Variants in RASGEF1A observed in about 807,000 individuals in gnomAD.
RASGEF1A encodes the protein ras-GEF domain-containing family member 1A.
RASGEF1A carries 18 observed loss-of-function variants against 56.4 expected under a neutral mutation model. The observed-to-expected ratio is 0.32, with a 90% CI of 0.22 to 0.47. RASGEF1A has a LOEUF of 0.47. Ranked by LOEUF, RASGEF1A falls within the 20% of genes least tolerant of loss-of-function variation. The probability of loss-of-function intolerance (pLI) is 1.00; values close to 1 mark genes in which losing one functional copy is unlikely to be tolerated. For missense variants in RASGEF1A, 422 were observed against 627.1 expected, an observed-to-expected ratio of 0.67 and a Z score of 3.49; for synonymous variants, 245 against 242.6, an observed-to-expected ratio of 1.01 and a Z score of -0.09.
rs1393516630 is a variant in RASGEF1A, at chr10:43,219,108, C to T, written c.-6-12986G>A. ...TGCAGCAGGTGGGACTTCAGAGAAT[C>T]CCTGCCCTTTCCCGGCAGGCGCTGG... On this transcript the variant is annotated intron_variant, in intron 1 of 12. Coordinates refer to ENST00000395810, the MANE Select transcript of RASGEF1A (RefSeq NM_145313.4). Among the ~76,000 whole-genome samples, 5 of 152,342 alleles carry T rather than the reference C, an allele frequency of 3.3e-5. No homozygotes were observed. The South Asian group carries it at 6.2e-4, about 19-fold the overall frequency.
intron 1 of RASGEF1A, among the ~76,000 whole-genome samples, chr10:43,249,428 G>C (rs1438033487): frequency 6.6e-6 from 1 of 152,234 alleles, no homozygotes; most frequent in Non-Finnish European, 1.5e-5. Context: ...TGGGGGAAGG[G>C]GGTTCTGTTG....
chr10:43,221,701 C>A (rs1205335403), intron 1 of RASGEF1A, among the ~76,000 whole-genome samples: 1 of 152,250 alleles, frequency 6.6e-6, no homozygotes, highest in Non-Finnish European at 1.5e-5. Flanking sequence ...GGAAATCAGG[C>A]CAGGGTCCAA....
chr10:43,217,128 C>T (rs950359545), intron 1 of RASGEF1A, among the ~76,000 whole-genome samples: 14 of 152,138 alleles, frequency 9.2e-5, no homozygotes, highest in South Asian at 2.1e-4. Context: ...GGAGCACAAG[C>T]GAGGGGAGCC....
chr10:43,257,470 G>A (rs1836442211), intron 1 of RASGEF1A, among the ~76,000 whole-genome samples: 1 of 152,198 alleles, frequency 6.6e-6, no homozygotes, highest in Non-Finnish European at 1.5e-5. Context: ...GACTGGGCCT[G>A]CCTCTGCCGC....
At chr10:43,220,196 T>C (rs889574052) in intron 1 of RASGEF1A, among the ~76,000 whole-genome samples, 2 of 152,194 alleles carry the variant, frequency 1.3e-5, no homozygotes, top group Non-Finnish European at 2.9e-5. Flanking sequence ...TGTGTTGTGG[T>C]CCTTAGGGTC....
intron 1 of RASGEF1A, among the ~76,000 whole-genome samples, chr10:43,258,156 GC>G (rs1407619376): frequency 6.6e-6 from 1 of 152,246 alleles, no homozygotes; most frequent in Non-Finnish European, 1.5e-5. Context: ...GCCTGCTGGA[GC>G]CCCCAGAACC....
chr10:43,219,966 C>T (rs1015261371), intron 1 of RASGEF1A, among the ~76,000 whole-genome samples: 5 of 152,286 alleles, frequency 3.3e-5, no homozygotes, highest in Admixed American at 2.6e-4. Context: ...GAAGGGGGCA[C>T]CCAGCCCCCT....
chr10:43,260,476 G>T (rs1764163019), intron 1 of RASGEF1A, among the ~76,000 whole-genome samples: 1 of 152,234 alleles, frequency 6.6e-6, no homozygotes, highest in African/African-American at 2.4e-5. Context: ...ACACTGTGCT[G>T]CCCTGGAGTC....
chr10:43,232,510 G>A (rs1426137976), intron 1 of RASGEF1A, among the ~76,000 whole-genome samples: 5 of 129,096 alleles, frequency 3.9e-5, no homozygotes, highest in African/African-American at 1.2e-4. Context: ...TTTTGGAGAT[G>A]GAGTCTCCCT....
intron 1 of RASGEF1A, chr10:43,207,129 G>A: frequency 2.0e-6 from 2 of 985,452 alleles, no homozygotes; most frequent in Non-Finnish European, 2.4e-6. Context: ...CCAGCCTGAG[G>A]GCCAGAGGTG....
At chr10:43,245,942 A>G (rs931924471) in intron 1 of RASGEF1A, among the ~76,000 whole-genome samples, 1 of 152,148 alleles carries the variant, frequency 6.6e-6, no homozygotes, top group Non-Finnish European at 1.5e-5. Context: ...TATAAAAGAC[A>G]CCCATATTGA....
intron 1 of RASGEF1A, among the ~76,000 whole-genome samples, chr10:43,226,835 C>G (rs1048292251): frequency 1.3e-5 from 2 of 152,226 alleles, no homozygotes; most frequent in Non-Finnish European, 2.9e-5. Flanking sequence ...CTTGTTCAGT[C>G]AAGTCAGCAT....
At chr10:43,199,042 C>T (rs749341171) in intron 8 of RASGEF1A, 30 bp from the exon 9 acceptor site, 9 of 713,464 alleles carry the variant, frequency 1.3e-5, no homozygotes, top group East Asian at 7.8e-5. Flanking sequence ...GGGTCAGGGC[C>T]GGGGGGGTGG....
intron 1 of RASGEF1A, chr10:43,229,677 C>T: frequency 1.4e-6 from 2 of 1,474,726 alleles, no homozygotes; most frequent in South Asian, 1.3e-5. Flanking sequence ...CTCCCCGCGC[C>T]GTCCTGCCCG....
intron 1 of RASGEF1A, among the ~76,000 whole-genome samples, chr10:43,230,363 G>C (rs137865378): frequency 2.5e-3 from 374 of 152,308 alleles, no homozygotes; most frequent in Middle Eastern, 0.01. Flanking sequence ...TGGGCACATG[G>C]CACAGTGAGG....
intron 1 of RASGEF1A, among the ~76,000 whole-genome samples, chr10:43,216,878 C>T (rs1840143772): frequency 6.6e-6 from 1 of 152,136 alleles, no homozygotes. Flanking sequence ...GACTTCACCC[C>T]ATCTCCCTCC....
At chr10:43,221,614 G>A (rs1840209342) in intron 1 of RASGEF1A, among the ~76,000 whole-genome samples, 1 of 152,258 alleles carries the variant, frequency 6.6e-6, no homozygotes, top group African/African-American at 2.4e-5. Context: ...GGGATGGACA[G>A]GGCCTGACCC....
At chr10:43,203,017 A>T (rs1268970244) in intron 3 of RASGEF1A, among the ~76,000 whole-genome samples, 1 of 12,628 alleles carries the variant, frequency 7.9e-5, no homozygotes, top group Non-Finnish European at 1.5e-4. Flanking sequence ...CCCTGGTCCC[A>T]CCCTGGACCC....
rs937551365 is a variant in RASGEF1A at position 43,196,411 on chromosome 10, C to A, written c.1421+65G>T. On this transcript the variant is annotated intron_variant, in intron 12 of 12. Coordinates refer to ENST00000395810, the MANE Select transcript of RASGEF1A (RefSeq NM_145313.4). This position sits in a 1 kb window ranked among gnomAD's most constrained non-coding sequence, Gnocchi z 4.6. ...CCAGGCTCCCTTTCCAGGAGGGTAACCCTCGTGCCCACCCTGAGTCCTCCC... is the reference window on the plus strand; with the variant it reads ...CCAGGCTCCCTTTCCAGGAGGGTAAACCTCGTGCCCACCCTGAGTCCTCCC... The A allele has an allele frequency of 1.1e-5, 18 of 1,568,994 alleles. No individual in the cohort carries two copies. Among genetic ancestry groups the A allele is most frequent in the Non-Finnish European group, 1.6e-5 (18 of 1,139,378 alleles).
Sources: gnomAD v4.1 joint callset for allele counts (sites outside exome capture counted in the v4.1 genomes callset) on GRCh38, gnomAD v4.1.1 for gene constraint, Gnocchi (gnomAD v3.1) non-coding constraint, MANE v1.5 for transcripts, NCBI Gene and HGNC (gene_info 2026-07-23, HGNC 2026-07-21) for gene names.